OLA1: variants seen among roughly 807,000 people sequenced by gnomAD.
OLA1 encodes the protein Obg like ATPase 1, also known as obg-like ATPase 1.
Under a neutral mutation model 48.4 loss-of-function variants are expected in OLA1, and 14 were observed. That is an observed-to-expected ratio of 0.29 (90% CI 0.19 to 0.45). The LOEUF is 0.45. OLA1 is among the 20% of genes least tolerant of loss of function. The probability of loss-of-function intolerance (pLI) is 1.00; values close to 1 mark genes in which losing one functional copy is unlikely to be tolerated. For synonymous variants in OLA1, 127 were observed against 150.4 expected, an observed-to-expected ratio of 0.84 and a Z score of 1.14; for missense variants, 325 against 467.1, an observed-to-expected ratio of 0.70 and a Z score of 2.80.
At chr2:174,098,266 G>A (rs1685305967) in intron 7 of OLA1, among the ~76,000 whole-genome samples, 1 of 152,188 alleles carries the variant, frequency 6.6e-6, no homozygotes, top group Non-Finnish European at 1.5e-5. Flanking sequence ...CAGTACGCAT[G>A]CAACCTGTGG....
At chr2:174,102,983 C>T (rs1346610936) in intron 7 of OLA1, among the ~76,000 whole-genome samples, 3 of 152,058 alleles carry the variant, frequency 2.0e-5, no homozygotes, top group South Asian at 2.1e-4. Flanking sequence ...AGTAATATGC[C>T]ACTTTCAAGG....
intron 4 of OLA1, among the ~76,000 whole-genome samples, chr2:174,151,496 G>A (rs1223057646): frequency 6.6e-6 from 1 of 152,078 alleles, no homozygotes; most frequent in East Asian, 1.9e-4. Flanking sequence ...CTAATCCAGA[G>A]TCCCACCACA....
chr2:174,089,239 C>T (rs1685053092), intron 7 of OLA1, among the ~76,000 whole-genome samples: 1 of 152,130 alleles, frequency 6.6e-6, no homozygotes, highest in South Asian at 2.1e-4. Flanking sequence ...ATCTTGAACC[C>T]CACCTCAGAT....
chr2:174,079,677 A>T (rs1437974029), intron 9 of OLA1, among the ~76,000 whole-genome samples: 4 of 151,908 alleles, frequency 2.6e-5, no homozygotes, highest in African/African-American at 7.2e-5. Flanking sequence ...TAGGGAGAGA[A>T]ATGTCTTATA....
intron 9 of OLA1, among the ~76,000 whole-genome samples, chr2:174,079,987 A>G (rs925089215): frequency 4.6e-5 from 7 of 152,092 alleles, no homozygotes; most frequent in Non-Finnish European, 8.8e-5. Flanking sequence ...TCCTACCTCC[A>G]CATACTTAAG....
chr2:174,187,356 C>T (rs540399171), intron 4 of OLA1, among the ~76,000 whole-genome samples: 1 of 152,242 alleles, frequency 6.6e-6, no homozygotes, highest in Admixed American at 6.5e-5. Context: ...ATTAAGGATG[C>T]CAACAACAGA....
intron 4 of OLA1, among the ~76,000 whole-genome samples, chr2:174,199,116 T>C (rs1687938137): frequency 6.6e-6 from 1 of 152,210 alleles, no homozygotes; most frequent in Admixed American, 6.5e-5. Context: ...TTCTGCTACA[T>C]ACCAAAATAA....
At chr2:174,242,300 A>G (rs1476173317) in intron 2 of OLA1, among the ~76,000 whole-genome samples, 2 of 152,158 alleles carry the variant, frequency 1.3e-5, no homozygotes, top group African/African-American at 4.8e-5. Flanking sequence ...TCTCATAAGG[A>G]GCGTGCAACC....
At chr2:174,105,636 G>C (rs1558955947) in intron 7 of OLA1, among the ~76,000 whole-genome samples, 1 of 151,934 alleles carries the variant, frequency 6.6e-6, no homozygotes, top group African/African-American at 2.4e-5. Flanking sequence ...ACTGCTATCA[G>C]AAGAATAATA....
At chr2:174,153,936 G>C (rs1686807424) in intron 4 of OLA1, among the ~76,000 whole-genome samples, 1 of 152,090 alleles carries the variant, frequency 6.6e-6, no homozygotes, top group South Asian at 2.1e-4. Flanking sequence ...GCACAATCAC[G>C]ACTCATTGCA....
chr2:174,201,049 G>C (rs1687980232), intron 4 of OLA1, among the ~76,000 whole-genome samples: 1 of 152,170 alleles, frequency 6.6e-6, no homozygotes, highest in Non-Finnish European at 1.5e-5. Flanking sequence ...GACTAAAGAT[G>C]ATCTCTCTTG....
intron 4 of OLA1, among the ~76,000 whole-genome samples, chr2:174,202,638 G>A (rs1688016201): frequency 6.6e-6 from 1 of 152,080 alleles, no homozygotes; most frequent in Admixed American, 6.5e-5. Flanking sequence ...AGATTAGAAG[G>A]TCCACTTAAT....
chr2:174,146,857 T>C (rs1181546218), intron 4 of OLA1, among the ~76,000 whole-genome samples: 1 of 152,156 alleles, frequency 6.6e-6, no homozygotes, highest in Non-Finnish European at 1.5e-5. Context: ...AGCGCACTAA[T>C]TATATAAAGT....
In OLA1 at chr2:174,243,472, C is replaced by A. The variant is rs371527569; in HGVS notation, c.101+3243G>T. On this transcript the variant is annotated intron_variant, in intron 2 of 10. Coordinates refer to ENST00000284719, the MANE Select transcript of OLA1 (RefSeq NM_013341.5). ...CCTTATCACTAAATCTACATCCAGC[C>A]GTCAAAGGGGAAATATGTATCCCAT... 1.6e-3 allele frequency among the ~76,000 whole-genome samples: 240 copies of A among 152,220 alleles called. 2 individuals carry two copies. Among genetic ancestry groups the A allele is most frequent in the African/African-American group, 5.4e-3 (226 of 41,548 alleles).
In OLA1 at chr2:174,236,381, A is replaced by T. The variant is rs75395586; in HGVS notation, c.102-6930T>A. On this transcript the variant is annotated intron_variant, in intron 2 of 10. Coordinates refer to ENST00000284719, the MANE Select transcript of OLA1 (RefSeq NM_013341.5). ...TATTGTTAAAAAGATACAATATTTG[A>T]AATAAAATGAAATTGAAATGAAAAA... Among the ~76,000 whole-genome samples, 1,501 of 152,310 alleles carry T rather than the reference A, an allele frequency of 9.9e-3. 24 individuals are homozygous for T. Among genetic ancestry groups the T allele is most frequent in the African/African-American group, 0.034 (1,418 of 41,562 alleles).
intron 2 of OLA1, among the ~76,000 whole-genome samples, chr2:174,239,099 C>T (rs71417464): frequency 0.14 from 21,202 of 152,060 alleles, 1,642 homozygotes; most frequent in East Asian, 0.23. Context: ...GTTCCTTCTA[C>T]AAATTGTTTC....
intron 4 of OLA1, among the ~76,000 whole-genome samples, chr2:174,154,774 A>G (rs1686833143): frequency 6.6e-6 from 1 of 152,256 alleles, no homozygotes; most frequent in South Asian, 2.1e-4. Flanking sequence ...CAATACTGTA[A>G]GATATGGATA....
chr2:174,223,246 ATTCT>A, intron 3 of OLA1, 86 bp from the exon 4 acceptor site: 3 of 1,306,686 alleles, frequency 2.3e-6, no homozygotes, highest in Non-Finnish European at 3.3e-6. Context: ...TTTCACATAA[ATTCT>A]TTCCTTTCTA....
In OLA1 at chr2:174,075,461, T is replaced by G. The variant is rs1684714672; in HGVS notation, c.1156A>C (p.Lys386Gln). 1 of 1,608,986 alleles carries G rather than the reference T, an allele frequency of 6.2e-7. No homozygotes were observed. The highest frequency in any genetic ancestry group is 1.1e-5 in the South Asian group (1 of 90,926). Residue 386 changes from lysine (K) to glutamine (Q), a missense_variant, in exon 11 of 11, where the codon AAA becomes CAA. Coordinates refer to ENST00000284719, the MANE Select transcript of OLA1 (RefSeq NM_013341.5). ...IVEDGDIIFFKFNTPQQPKKK is the reference protein window; with the variant it reads ...IVEDGDIIFFQFNTPQQPKKK ...TTCGGTTGTTGAGGTGTGTTAAATT[T>G]GAAGAAGATAATATCTCCATCTTCA...
Sources: gnomAD v4.1 joint callset for allele counts (sites outside exome capture counted in the v4.1 genomes callset) on GRCh38, gnomAD v4.1.1 for gene constraint, MANE v1.5 for transcripts, NCBI Gene and HGNC (gene_info 2026-07-23, HGNC 2026-07-21) for gene names.